Variants in PRKN observed in about 807,000 individuals in gnomAD.
The protein encoded by PRKN is E3 ubiquitin-protein ligase parkin.
In PRKN, 56 loss-of-function variants were observed where a neutral mutation model predicts 59.5. The observed-to-expected ratio is 0.94, with a 90% CI of 0.76 to 1.18. The LOEUF is 1.18. Ranked by LOEUF, PRKN falls within the 50% of genes most tolerant of loss-of-function variation. PRKN has a pLI of 0.00. For missense variants in PRKN, 657 were observed against 596.4 expected (o/e 1.10, Z -1.06); for synonymous variants, 250 against 222.1 (o/e 1.13, Z -1.12).
intron 2 of PRKN, among the ~76,000 whole-genome samples, chr6:162,274,131 T>A (rs1024105793): frequency 6.6e-6 from 1 of 152,046 alleles, no homozygotes; most frequent in Non-Finnish European, 1.5e-5. Context: ...CTGGAAGGAA[T>A]GTATATTATA....
At position 161,683,978 on chromosome 6, in the gene PRKN, G is replaced by T. The variant is rs148705328; in HGVS notation, c.871+101794C>A. Among the ~76,000 whole-genome samples, 333 of 152,190 alleles carry T rather than the reference G, an allele frequency of 2.2e-3. 1 individual carries two copies. Among genetic ancestry groups the T allele is most frequent in the Non-Finnish European group, 2.9e-3 (200 of 68,014 alleles). On this transcript the variant is annotated intron_variant, in intron 7 of 11. Transcript: ENST00000366898. Reference sequence around the variant, plus strand: ...CCCTGAATTATCTGCATAAAACAAAGGGTAAAAGGGAGAAGGTGGATTTTA... The same window carrying T: ...CCCTGAATTATCTGCATAAAACAAATGGTAAAAGGGAGAAGGTGGATTTTA...
At chr6:162,413,544 C>A (rs1788456600) in intron 2 of PRKN, among the ~76,000 whole-genome samples, 2 of 152,118 alleles carry the variant, frequency 1.3e-5, no homozygotes, top group Admixed American at 1.3e-4. Flanking sequence ...TGGTTTAGGG[C>A]CAAACATTAT....
intron 6 of PRKN, among the ~76,000 whole-genome samples, chr6:161,923,603 C>T (rs1778860104): frequency 6.6e-6 from 1 of 152,088 alleles, no homozygotes; most frequent in South Asian, 2.1e-4. Flanking sequence ...TTTCCTCTTT[C>T]TGTCTCTACT....
rs58769358 is a variant in PRKN at position 162,235,958 on chromosome 6, G to GAAGAAAGAAAGAAAGAAAGA, written c.412+26547_412+26566dup. Among the ~76,000 whole-genome samples the GAAGAAAGAAAGAAAGAAAGA allele has an allele frequency of 1.8e-4, 17 of 92,676 alleles. 1 individual carries two copies. Among genetic ancestry groups the GAAGAAAGAAAGAAAGAAAGA allele is most frequent in the Non-Finnish European group, 2.6e-4 (11 of 43,130 alleles). 60.8% of individuals were successfully genotyped at this position (92,676 alleles called of 152,430 possible). ...GGAAGGAAGGAAGGAAGGAAGAAAG[G>GAAGAAAGAAAGAAAGAAAGA]AAGAAAGAAAGAAAGAAAGAAAGAA... On this transcript the variant is annotated intron_variant, in intron 3 of 11. Coordinates refer to ENST00000366898, the MANE Select transcript of PRKN (RefSeq NM_004562.3).
chr6:161,433,664 T>G (rs763211412), intron 9 of PRKN, among the ~76,000 whole-genome samples: 1 of 152,148 alleles, frequency 6.6e-6, no homozygotes. Context: ...GACCCTCTGG[T>G]GTACAGATTC....
chr6:161,839,053 G>A (rs1217537027), intron 6 of PRKN, among the ~76,000 whole-genome samples: 1 of 152,020 alleles, frequency 6.6e-6, no homozygotes, highest in Non-Finnish European at 1.5e-5. Context: ...AGCAAAATAG[G>A]GGGAAAAAAG....
At chr6:162,525,113 A>T (rs2128194610) in intron 1 of PRKN, among the ~76,000 whole-genome samples, 1 of 152,278 alleles carries the variant, frequency 6.6e-6, no homozygotes. Flanking sequence ...GGGAGGCCCC[A>T]GCCCACACCT....
At chr6:162,091,110 T>A (rs1472446405) in intron 4 of PRKN, among the ~76,000 whole-genome samples, 2 of 72,842 alleles carry the variant, frequency 2.7e-5, no homozygotes, top group African/African-American at 1.5e-4. Flanking sequence ...TCTCTTGCTA[T>A]CCTTTTTTTT....
At chr6:162,239,836 A>C (rs1239133304) in intron 3 of PRKN, among the ~76,000 whole-genome samples, 1 of 151,958 alleles carries the variant, frequency 6.6e-6, no homozygotes, top group Non-Finnish European at 1.5e-5. Context: ...ATTTTGGTCC[A>C]ATCACTACTC....
At chr6:162,532,051 AGC>A (rs1778536843) in intron 1 of PRKN, among the ~76,000 whole-genome samples, 1 of 152,148 alleles carries the variant, frequency 6.6e-6, no homozygotes, top group Non-Finnish European at 1.5e-5. Flanking sequence ...ACAGGTTCTT[AGC>A]GTCAACCACA....
At chr6:161,779,435 C>CTTTCCTTTTTT (rs1234367519) in intron 7 of PRKN, among the ~76,000 whole-genome samples, 20 of 40,418 alleles carry the variant, frequency 4.9e-4, no homozygotes, top group Non-Finnish European at 9.4e-4. Context: ...TTTTTCTTTT[C>CTTTCCTTTTTT]TTTTCTTTTT....
At chr6:161,583,817 G>A (rs900562123) in intron 7 of PRKN, among the ~76,000 whole-genome samples, 1 of 152,084 alleles carries the variant, frequency 6.6e-6, no homozygotes, top group Non-Finnish European at 1.5e-5. Context: ...TAATGGCTAC[G>A]CACCTTTGCA....
intron 1 of PRKN, among the ~76,000 whole-genome samples, chr6:162,461,499 CAAAAAAAAAAA>C (rs780424226): frequency 0.018 from 646 of 36,566 alleles, 12 homozygotes; most frequent in African/African-American, 0.056. Flanking sequence ...TAAAGTGTCT[CAAAAAAAAAAA>C]AAAAAAAAAA....
chr6:161,894,192 A>G (rs1271628397), intron 6 of PRKN, among the ~76,000 whole-genome samples: 1 of 152,016 alleles, frequency 6.6e-6, no homozygotes, highest in Non-Finnish European at 1.5e-5. Context: ...TACCAACCCC[A>G]CCATGAACTA....
chr6:161,426,833 C>T (rs543503871), intron 9 of PRKN, among the ~76,000 whole-genome samples: 7 of 152,042 alleles, frequency 4.6e-5, no homozygotes, highest in Non-Finnish European at 7.4e-5. Flanking sequence ...ATTCTCCTGC[C>T]TCAGCCTTCC....
intron 4 of PRKN, among the ~76,000 whole-genome samples, chr6:162,126,340 T>G (rs528208033): frequency 1.3e-5 from 2 of 152,218 alleles, no homozygotes; most frequent in African/African-American, 4.8e-5. Flanking sequence ...TGCATTAATA[T>G]ACTGAAATTT....
At chr6:161,520,225 C>CTT (rs76575980) in intron 9 of PRKN, among the ~76,000 whole-genome samples, 2 of 50,788 alleles carry the variant, frequency 3.9e-5, no homozygotes, top group African/African-American at 8.2e-5. Flanking sequence ...TCTCTCTATG[C>CTT]ATTTTTTTTT....
At position 161,396,903 on chromosome 6, in the gene PRKN, T is replaced by C. The variant is rs1298879740; in HGVS notation, c.1084-10026A>G. On this transcript the variant is annotated intron_variant, in intron 9 of 11. Transcript: ENST00000366898. The surrounding 1 kb of genome is among the most constrained non-coding windows in gnomAD (Gnocchi z 5.4). ...CCTGCCAGCACATCTTACAGACTTT[T>C]GTCTTTGGAGGTTTTGCAGCTCCTC... Among the ~76,000 whole-genome samples the C allele has an allele frequency of 6.6e-6, 1 of 152,218 alleles. No homozygotes were observed.
intron 1 of PRKN, among the ~76,000 whole-genome samples, chr6:162,508,990 A>T (rs901804534): frequency 6.6e-6 from 1 of 152,208 alleles, no homozygotes; most frequent in Non-Finnish European, 1.5e-5. Flanking sequence ...CATGAGCACA[A>T]ATCCATTATC....
Sources: gnomAD v4.1 joint callset for allele counts (sites outside exome capture counted in the v4.1 genomes callset) on GRCh38, gnomAD v4.1.1 for gene constraint, Gnocchi (gnomAD v3.1) non-coding constraint, MANE v1.5 for transcripts, NCBI Gene and HGNC (gene_info 2026-07-23, HGNC 2026-07-21) for gene names.